SCAI: variants seen among roughly 807,000 people sequenced by gnomAD.
SCAI encodes suppressor of cancer cell invasion.
In SCAI, 24 loss-of-function variants were observed where a neutral mutation model predicts 92.2. The ratio of observed to expected loss-of-function variants is 0.26; its 90% confidence interval spans 0.19 to 0.37. The LOEUF is 0.37. Ranked by LOEUF, SCAI falls within the 10% of genes least tolerant of loss-of-function variation. The pLI is 1.00. For synonymous variants in SCAI, 261 were observed against 258.6 expected (o/e 1.01, Z -0.09); for missense variants, 450 against 736.2 (o/e 0.61, Z 4.50).
At chr9:124,986,736 G>C (rs940950746) in intron 14 of SCAI, among the ~76,000 whole-genome samples, 1 of 152,168 alleles carries the variant, frequency 6.6e-6, no homozygotes, top group African/African-American at 2.4e-5. Flanking sequence ...CTGCAGGACA[G>C]CAAAAACAAA....
chr9:124,970,693 A>T (rs2131587442), intron 17 of SCAI, among the ~76,000 whole-genome samples: 1 of 152,292 alleles, frequency 6.6e-6, no homozygotes. Flanking sequence ...ATTGCACTCC[A>T]GCCTGGGCAA....
At chr9:125,066,786 G>A (rs1183034213) in intron 2 of SCAI, among the ~76,000 whole-genome samples, 1 of 151,990 alleles carries the variant, frequency 6.6e-6, no homozygotes, top group Admixed American at 6.6e-5. Context: ...GTTGTGCTTG[G>A]AACCATTTTT....
At chr9:125,022,212 A>G (rs939769147) in intron 6 of SCAI, among the ~76,000 whole-genome samples, 3 of 152,180 alleles carry the variant, frequency 2.0e-5, no homozygotes, top group African/African-American at 4.8e-5. Context: ...TCATAATGCT[A>G]CGTTATTAGG....
chr9:125,072,320 T>C (rs1833994497), intron 2 of SCAI, among the ~76,000 whole-genome samples: 1 of 152,150 alleles, frequency 6.6e-6, no homozygotes, highest in Non-Finnish European at 1.5e-5. Flanking sequence ...GTAGAGATTC[T>C]TATGCTGAGA....
chr9:125,085,315 C>G (rs1040678053), intron 2 of SCAI, among the ~76,000 whole-genome samples: 1 of 151,926 alleles, frequency 6.6e-6, no homozygotes, highest in African/African-American at 2.4e-5. Flanking sequence ...GGTGAAACCC[C>G]ATCTCAACTA....
At chr9:124,991,383 C>T (rs1021106195) in intron 14 of SCAI, among the ~76,000 whole-genome samples, 3 of 127,880 alleles carry the variant, frequency 2.3e-5, no homozygotes, top group African/African-American at 8.9e-5. Context: ...AAAAAATTAA[C>T]GAGTAATATT....
chr9:125,003,385 A>G (rs975362292), intron 10 of SCAI, 84 bp downstream of exon 10: 2 of 1,044,794 alleles, frequency 1.9e-6, no homozygotes, highest in African/African-American at 3.1e-5. Flanking sequence ...TCAAGGCTGT[A>G]GTATCTGTTG....
chr9:125,062,651 A>G (rs1379960818), intron 2 of SCAI, among the ~76,000 whole-genome samples: 1 of 151,808 alleles, frequency 6.6e-6, no homozygotes, highest in Admixed American at 6.6e-5. Context: ...GCTACTCAGG[A>G]GGCTGAGGCA....
rs2131566916 is a variant in SCAI, at chr9:124,952,346, G to GA, written c.*460dup. ...TTTTCTACCAGCTAAGTTGGAATGA[G>GA]AAAAAATATATTATGGAGGGACTCT... is the stretch of plus-strand genomic sequence containing the variant. On this transcript the variant is annotated 3_prime_UTR_variant, in exon 18 of 18. Coordinates refer to ENST00000336505, the MANE Select transcript of SCAI (RefSeq NM_001144877.3). 6.6e-6 allele frequency: 1 copy of GA among 152,382 alleles called. No homozygotes were observed. Among genetic ancestry groups the GA allele is most frequent in the East Asian group, 1.9e-4 (1 of 5,186 alleles). The allele number at this position is 152,382 out of a possible 1,614,324, so 9.4% of individuals were successfully genotyped here.
chr9:125,108,121 C>CA (rs1407265985), intron 2 of SCAI, among the ~76,000 whole-genome samples: 22 of 152,278 alleles, frequency 1.4e-4, no homozygotes, highest in Admixed American at 1.2e-3. Context: ...GACGGAGTCT[C>CA]ATTCACTCAG....
At chr9:125,008,238 G>T (rs933293424) in intron 9 of SCAI, among the ~76,000 whole-genome samples, 1 of 152,058 alleles carries the variant, frequency 6.6e-6, no homozygotes, top group African/African-American at 2.4e-5. Context: ...TCTGCCTCCA[G>T]AGTTCAAGTG....
chr9:125,075,750 A>G (rs1296424869), intron 2 of SCAI, among the ~76,000 whole-genome samples: 1 of 151,998 alleles, frequency 6.6e-6, no homozygotes, highest in Admixed American at 6.6e-5. Context: ...TTTTTAGTAG[A>G]GACAGGGTTT....
chr9:125,111,001 G>C (rs939226293), intron 2 of SCAI, among the ~76,000 whole-genome samples: 1 of 152,126 alleles, frequency 6.6e-6, no homozygotes, highest in Non-Finnish European at 1.5e-5. Context: ...TAGAGAAAAA[G>C]AGAGAACATT....
chr9:124,981,024 A>G (rs1179266869), intron 14 of SCAI, among the ~76,000 whole-genome samples: 2 of 152,236 alleles, frequency 1.3e-5, no homozygotes, highest in Admixed American at 1.3e-4. Flanking sequence ...TAACTCCCAT[A>G]GGATAATCTT....
At chr9:125,140,691 A>G (rs1835645839) in intron 2 of SCAI, among the ~76,000 whole-genome samples, 1 of 46,466 alleles carries the variant, frequency 2.2e-5, no homozygotes, top group South Asian at 5.9e-4. Flanking sequence ...TTGTCTCTAC[A>G]AAAAAAAAAA....
chr9:125,057,547 T>G (rs1477054230), intron 2 of SCAI, among the ~76,000 whole-genome samples: 2 of 152,146 alleles, frequency 1.3e-5, no homozygotes, highest in African/African-American at 2.4e-5. Flanking sequence ...CCTGAAAAAT[T>G]CACTCTTATA....
intron 2 of SCAI, among the ~76,000 whole-genome samples, chr9:125,110,449 A>G (rs1489807981): frequency 6.6e-6 from 1 of 152,218 alleles, no homozygotes; most frequent in Non-Finnish European, 1.5e-5. Flanking sequence ...GTTCAAGACC[A>G]GCCTGGACGA....
intron 2 of SCAI, among the ~76,000 whole-genome samples, chr9:125,062,019 A>C (rs1833777260): frequency 6.6e-6 from 1 of 152,160 alleles, no homozygotes; most frequent in Admixed American, 6.5e-5. Context: ...ATTAATTGAA[A>C]GGGGAATAAA....
At chr9:125,056,429 C>T (rs886256486) in intron 2 of SCAI, among the ~76,000 whole-genome samples, 3 of 152,138 alleles carry the variant, frequency 2.0e-5, no homozygotes, top group African/African-American at 7.2e-5. Flanking sequence ...CGTGCCATTG[C>T]ACTCCAGCCT....
Sources: gnomAD v4.1 joint callset for allele counts (sites outside exome capture counted in the v4.1 genomes callset) on GRCh38, gnomAD v4.1.1 for gene constraint, MANE v1.5 for transcripts, NCBI Gene and HGNC (gene_info 2026-07-23, HGNC 2026-07-21) for gene names.